The following DOCK3 variants were observed in gnomAD, a reference collection of about 807,000 sequenced individuals.
DOCK3 encodes dedicator of cytokinesis protein 3.
A neutral mutation model predicts 265.6 loss-of-function variants in DOCK3; 60 were observed. The observed-to-expected ratio is 0.23, with a 90% confidence interval of 0.18 to 0.28. The LOEUF is 0.28. Ranked by LOEUF, DOCK3 falls within the 10% of genes least tolerant of loss-of-function variation. The probability of loss-of-function intolerance (pLI) is 1.00; values close to 1 mark genes in which losing one functional copy is unlikely to be tolerated. For synonymous variants in DOCK3, 881 were observed against 938.0 expected (o/e 0.94, Z 1.11); for missense variants, 1,981 against 2,594.3 (o/e 0.76, Z 5.14).
intron 22 of DOCK3, among the ~76,000 whole-genome samples, chr3:51,254,965 A>G (rs1412032095): frequency 6.6e-6 from 1 of 152,148 alleles, no homozygotes; most frequent in Non-Finnish European, 1.5e-5. Context: ...CCTAGCATCT[A>G]TGGTCTTTAC....
chr3:51,229,722 G>T (rs2090468026), intron 19 of DOCK3, 113 bp downstream of exon 19: 3 of 569,916 alleles, frequency 5.3e-6, no homozygotes, highest in Non-Finnish European at 8.2e-6. Flanking sequence ...TCAGATTTTT[G>T]TTGTTGTTGT....
intron 1 of DOCK3, among the ~76,000 whole-genome samples, chr3:50,714,547 T>TC (rs1559543478): frequency 1.3e-5 from 2 of 152,198 alleles, no homozygotes; most frequent in Non-Finnish European, 2.9e-5. Context: ...TGTGGTGTGA[T>TC]CATGGCTCAC....
chr3:51,297,419 T>A (rs564767769), intron 27 of DOCK3, among the ~76,000 whole-genome samples: 2 of 152,228 alleles, frequency 1.3e-5, no homozygotes, highest in African/African-American at 4.8e-5. Context: ...GAGAGAATAT[T>A]TGCAAATCAT....
chr3:51,289,050 A>G (rs1271371346), intron 27 of DOCK3, among the ~76,000 whole-genome samples: 1 of 152,106 alleles, frequency 6.6e-6, no homozygotes, highest in Non-Finnish European at 1.5e-5. Context: ...GTGACAAAAT[A>G]GAGAAACAGC....
intron 27 of DOCK3, among the ~76,000 whole-genome samples, chr3:51,290,417 C>T (rs1463016576): frequency 6.6e-6 from 1 of 152,070 alleles, no homozygotes; most frequent in South Asian, 2.1e-4. Context: ...CCATCATTCT[C>T]AGCAAACTAT....
intron 4 of DOCK3, among the ~76,000 whole-genome samples, chr3:50,923,538 A>AT (rs373208995): frequency 2.2e-4 from 34 of 152,284 alleles, no homozygotes; most frequent in African/African-American, 7.5e-4. Context: ...TAAATTGTAG[A>AT]TTTTAGTGTA....
chr3:50,805,756 G>A (rs1230646713), intron 2 of DOCK3, among the ~76,000 whole-genome samples: 2 of 152,152 alleles, frequency 1.3e-5, no homozygotes, highest in Non-Finnish European at 2.9e-5. Flanking sequence ...CTTTGGCCTC[G>A]TATGTGGGTG....
At chr3:51,172,657 CTA>C (rs1447553918) in intron 12 of DOCK3, among the ~76,000 whole-genome samples, 17 of 151,994 alleles carry the variant, frequency 1.1e-4, no homozygotes, top group Non-Finnish European at 2.2e-4. Context: ...GTTCACTGTT[CTA>C]TGATTTTTTT....
chr3:51,278,432 G>C, intron 26 of DOCK3: 1 of 985,330 alleles, frequency 1.0e-6, no homozygotes, highest in Non-Finnish European at 1.2e-6. Context: ...TCTTTCCATT[G>C]GCAGATGGGA....
intron 35 of DOCK3, among the ~76,000 whole-genome samples, chr3:51,335,275 A>T (rs774961549): frequency 3.3e-5 from 5 of 152,042 alleles, no homozygotes; most frequent in African/African-American, 1.2e-4. Context: ...AAAGAAGAAG[A>T]AGTACCACTG....
At chr3:50,940,058 C>CACACATACACAA (rs1559841271) in intron 5 of DOCK3, among the ~76,000 whole-genome samples, 2 of 151,140 alleles carry the variant, frequency 1.3e-5, no homozygotes. Flanking sequence ...TACCCACAGA[C>CACACATACACAA]ACACACATAC....
At chr3:51,237,256 A>G (rs1484175575) in intron 20 of DOCK3, among the ~76,000 whole-genome samples, 1 of 152,192 alleles carries the variant, frequency 6.6e-6, no homozygotes, top group Non-Finnish European at 1.5e-5. Context: ...CTCACAGTAA[A>G]TACAGGAAGA....
intron 6 of DOCK3, among the ~76,000 whole-genome samples, chr3:51,067,990 A>G (rs544700616): frequency 6.6e-6 from 1 of 152,294 alleles, no homozygotes; most frequent in East Asian, 1.9e-4. Context: ...AATGCCATAA[A>G]ATCTTGAAGT....
intron 1 of DOCK3, among the ~76,000 whole-genome samples, chr3:50,735,459 G>A (rs2038529256): frequency 1.3e-5 from 2 of 152,094 alleles, no homozygotes; most frequent in South Asian, 4.1e-4. Context: ...TCCTGCCTCA[G>A]CCTCCCAAGT....
chr3:50,746,515 T>G (rs895194765), intron 1 of DOCK3, among the ~76,000 whole-genome samples: 1 of 152,192 alleles, frequency 6.6e-6, no homozygotes, highest in Admixed American at 6.5e-5. Flanking sequence ...TGATAATGCC[T>G]TCTGGAAGTT....
intron 9 of DOCK3, among the ~76,000 whole-genome samples, chr3:51,116,647 G>T (rs886099908): frequency 6.6e-6 from 1 of 152,006 alleles, no homozygotes; most frequent in Non-Finnish European, 1.5e-5. Flanking sequence ...TTGAGCAGTG[G>T]TTTGTAGTTC....
At chr3:50,959,813 C>T (rs534990713) in intron 5 of DOCK3, among the ~76,000 whole-genome samples, 1 of 152,234 alleles carries the variant, frequency 6.6e-6, no homozygotes, top group African/African-American at 2.4e-5. Flanking sequence ...ATCTCCTGAC[C>T]TCGTGATCTG....
chr3:50,900,742 C>T (rs1462463519), intron 4 of DOCK3: 1 of 449,682 alleles, frequency 2.2e-6, no homozygotes, highest in Admixed American at 2.4e-5. Flanking sequence ...TCCTCTGCTG[C>T]AGGTCTGCTG....
intron 27 of DOCK3, 65 bp downstream of exon 27, chr3:51,280,269 T>A (rs1229455048): frequency 6.8e-7 from 1 of 1,469,024 alleles, no homozygotes; most frequent in African/African-American, 1.4e-5. Flanking sequence ...CAGGGGCTTT[T>A]TCCCTGTCAG....
Sources: allele counts gnomAD v4.1 joint callset (sites outside exome capture counted in the v4.1 genomes callset), GRCh38; gene constraint gnomAD v4.1.1; transcripts MANE v1.5; gene names NCBI Gene and HGNC (gene_info 2026-07-23, HGNC 2026-07-21).